Variants in SH3GL2 observed in about 807,000 individuals in gnomAD.
The protein encoded by SH3GL2 is SH3 domain containing GRB2 like 2, endophilin A1.
Under a neutral mutation model 46.0 loss-of-function variants are expected in SH3GL2, and 24 were observed. That is an observed-to-expected ratio of 0.52 (90% CI 0.38 to 0.73). The LOEUF (loss-of-function observed/expected upper bound fraction) is 0.73, where lower values mean the gene tolerates loss of function less well. Among genes scored for constraint, SH3GL2 ranks in the 30% least tolerant of loss-of-function variants. The probability of loss-of-function intolerance (pLI) is 0.00; values close to 1 mark genes in which losing one functional copy is unlikely to be tolerated. For missense variants in SH3GL2, 413 were observed against 424.2 expected (o/e 0.97, Z 0.23); for synonymous variants, 196 against 147.1 (o/e 1.33, Z -2.40).
chr9:17,732,220 G>A (rs1441021107), intron 1 of SH3GL2, among the ~76,000 whole-genome samples: 1 of 144,220 alleles, frequency 6.9e-6, no homozygotes, highest in African/African-American at 2.7e-5. Context: ...GGTGACCGGA[G>A]TTGTTGCTAA....
intron 2 of SH3GL2, among the ~76,000 whole-genome samples, chr9:17,758,583 A>AAAAAAAAAAAAAT (rs1823075769): frequency 6.9e-6 from 1 of 143,918 alleles, no homozygotes; most frequent in Non-Finnish European, 1.5e-5. Flanking sequence ...AAAAAAAAAA[A>AAAAAAAAAAAAAT]AAAAAAAAAA....
At chr9:17,618,883 GAGAA>G (rs1188881812) in intron 1 of SH3GL2, among the ~76,000 whole-genome samples, 1 of 151,956 alleles carries the variant, frequency 6.6e-6, no homozygotes, top group Non-Finnish European at 1.5e-5. Context: ...AAGAGAGAGA[GAGAA>G]AGAGAGAAAC....
At chr9:17,780,657 A>C (rs1823781786) in intron 3 of SH3GL2, among the ~76,000 whole-genome samples, 1 of 106,064 alleles carries the variant, frequency 9.4e-6, no homozygotes, top group Non-Finnish European at 1.9e-5. Flanking sequence ...TAGTCCCCAG[A>C]GTGTGATATT....
intron 7 of SH3GL2, among the ~76,000 whole-genome samples, chr9:17,791,945 T>G (rs1163098678): frequency 6.6e-6 from 1 of 152,222 alleles, no homozygotes; most frequent in Non-Finnish European, 1.5e-5. Context: ...TGTGGCTCCG[T>G]GGAGTTGTGG....
chr9:17,714,781 CA>C (rs1218586553), intron 1 of SH3GL2, among the ~76,000 whole-genome samples: 3 of 151,614 alleles, frequency 2.0e-5, no homozygotes, highest in Non-Finnish European at 4.4e-5. Flanking sequence ...GTTTTAACAA[CA>C]AAAAAACTCA....
intron 1 of SH3GL2, among the ~76,000 whole-genome samples, chr9:17,704,799 A>G (rs534525775): frequency 6.6e-6 from 1 of 152,260 alleles, no homozygotes; most frequent in South Asian, 2.1e-4. Context: ...TGGATTAAAG[A>G]CTTAAATGTA....
At chr9:17,613,777 C>A (rs1025608764) in intron 1 of SH3GL2, among the ~76,000 whole-genome samples, 4 of 152,156 alleles carry the variant, frequency 2.6e-5, no homozygotes, top group African/African-American at 9.7e-5. Flanking sequence ...TTAGCATTTC[C>A]CTGCTTTGAC....
intron 3 of SH3GL2, among the ~76,000 whole-genome samples, chr9:17,771,196 A>G (rs1397996683): frequency 1.3e-5 from 2 of 152,172 alleles, no homozygotes; most frequent in African/African-American, 4.8e-5. Flanking sequence ...ACATTGAAGT[A>G]GGAGGTAGAT....
intron 1 of SH3GL2, among the ~76,000 whole-genome samples, chr9:17,661,069 G>A (rs530057622): frequency 6.6e-6 from 1 of 152,250 alleles, no homozygotes; most frequent in South Asian, 2.1e-4. Context: ...GGCTGAGGCA[G>A]GAGAATCGCT....
chr9:17,700,978 T>C (rs1306680002), intron 1 of SH3GL2, among the ~76,000 whole-genome samples: 1 of 152,234 alleles, frequency 6.6e-6, no homozygotes, highest in Non-Finnish European at 1.5e-5. Flanking sequence ...TGTTTCATCA[T>C]GCTAATATGG....
intron 1 of SH3GL2, among the ~76,000 whole-genome samples, chr9:17,739,245 G>C (rs1045352537): frequency 5.3e-5 from 8 of 151,942 alleles, no homozygotes; most frequent in African/African-American, 1.7e-4. Flanking sequence ...CAGGCATTAG[G>C]TTCTAGACCA....
chr9:17,756,620 C>G (rs1242813217), intron 2 of SH3GL2, among the ~76,000 whole-genome samples: 2 of 151,870 alleles, frequency 1.3e-5, no homozygotes, highest in African/African-American at 4.8e-5. Context: ...ATGATGGTTT[C>G]CAGCTTCATC....
chr9:17,778,552 A>C (rs1379732078), intron 3 of SH3GL2, among the ~76,000 whole-genome samples: 1 of 152,132 alleles, frequency 6.6e-6, no homozygotes, highest in Non-Finnish European at 1.5e-5. Flanking sequence ...TCCTACCCTG[A>C]ATGACGTGGG....
chr9:17,675,081 C>CTA (rs1435926229), intron 1 of SH3GL2, among the ~76,000 whole-genome samples: 1 of 152,170 alleles, frequency 6.6e-6, no homozygotes, highest in Non-Finnish European at 1.5e-5. Flanking sequence ...ATTGACGTCT[C>CTA]TACTTTTTGA....
intron 1 of SH3GL2, among the ~76,000 whole-genome samples, chr9:17,584,389 C>A (rs1462637200): frequency 6.6e-6 from 1 of 152,074 alleles, no homozygotes; most frequent in African/African-American, 2.4e-5. Flanking sequence ...TGTAATCCCA[C>A]CTACCCAGGA....
In SH3GL2 at chr9:17,757,343, A is replaced by G. The variant is rs1436073043; in HGVS notation, c.115-4094A>G. On this transcript the variant is annotated intron_variant, in intron 2 of 8. Coordinates refer to ENST00000380607, the MANE Select transcript of SH3GL2 (RefSeq NM_003026.5). ...TTAAACTAAAGAGCTTCTGCACAGC[A>G]AAAGAAACTACCATCAGAGTGAACA... 2.0e-5 allele frequency among the ~76,000 whole-genome samples: 3 copies of G among 152,250 alleles called. No homozygotes were observed. The East Asian group carries it at 5.8e-4, about 29-fold the overall frequency.
intron 2 of SH3GL2, among the ~76,000 whole-genome samples, chr9:17,752,109 GC>G (rs1284119848): frequency 6.6e-6 from 1 of 152,174 alleles, no homozygotes; most frequent in African/African-American, 2.4e-5. Flanking sequence ...TGTCAGTTGG[GC>G]TTTCTGAAAA....
intron 1 of SH3GL2, among the ~76,000 whole-genome samples, chr9:17,721,957 G>C (rs1295480164): frequency 2.0e-5 from 3 of 152,124 alleles, no homozygotes; most frequent in Non-Finnish European, 4.4e-5. Flanking sequence ...GGTGTCCGCA[G>C]TGAGGTGAGG....
At chr9:17,612,704 G>T (rs1035309831) in intron 1 of SH3GL2, among the ~76,000 whole-genome samples, 2 of 152,166 alleles carry the variant, frequency 1.3e-5, no homozygotes, top group Non-Finnish European at 2.9e-5. Flanking sequence ...TATTGAAAGT[G>T]TACTGTTTAA....
Sources: gnomAD v4.1 joint callset for allele counts (sites outside exome capture counted in the v4.1 genomes callset) on GRCh38, gnomAD v4.1.1 for gene constraint, MANE v1.5 for transcripts, NCBI Gene and HGNC (gene_info 2026-07-23, HGNC 2026-07-21) for gene names.